The following GRM3 variants were observed in gnomAD, a reference collection of about 807,000 sequenced individuals.
GRM3 encodes metabotropic glutamate receptor 3.
A neutral mutation model predicts 70.5 loss-of-function variants in GRM3; 26 were observed. That is an observed-to-expected ratio of 0.37 (90% CI 0.27 to 0.51). The LOEUF (loss-of-function observed/expected upper bound fraction) is 0.51. Ranked by LOEUF, GRM3 falls within the 20% of genes least tolerant of loss-of-function variation. GRM3 has a pLI of 0.93. For missense variants in GRM3, 859 were observed against 1,123.8 expected (o/e 0.76, Z 3.37); for synonymous variants, 443 against 434.9 (o/e 1.02, Z -0.23).
intron 3 of GRM3, among the ~76,000 whole-genome samples, chr7:86,826,094 G>A (rs139169416): frequency 5.7e-4 from 87 of 152,260 alleles, no homozygotes; most frequent in Middle Eastern, 3.4e-3. Flanking sequence ...TAAAATCTTT[G>A]CTGTACTATA....
intron 1 of GRM3, among the ~76,000 whole-genome samples, chr7:86,646,006 T>TGGGGG (rs1383756914): frequency 9.4e-5 from 1 of 10,632 alleles, no homozygotes; most frequent in African/African-American, 3.6e-4. Context: ...GGTGGGGGGG[T>TGGGGG]GGGGGGGGGT....
chr7:86,698,520 T>TTATATATATATATATATATATATATA (rs570784350), intron 1 of GRM3, among the ~76,000 whole-genome samples: 4 of 142,150 alleles, frequency 2.8e-5, no homozygotes, highest in African/African-American at 1.1e-4. Context: ...TAAAAAGTAT[T>TTATATATATATATATATATATATATA]TATATATATA....
chr7:86,846,798 C>T (rs1227123183), intron 4 of GRM3, among the ~76,000 whole-genome samples: 1 of 152,196 alleles, frequency 6.6e-6, no homozygotes, highest in African/African-American at 2.4e-5. Context: ...TGTTAATCAG[C>T]CCCTGAAACG....
At chr7:86,795,470 G>A (rs183110885) in intron 3 of GRM3, among the ~76,000 whole-genome samples, 205 of 151,702 alleles carry the variant, frequency 1.4e-3, no homozygotes, top group East Asian at 7.6e-3. Flanking sequence ...CCTGCACCCC[G>A]ACAGGCCCCA....
chr7:86,655,298 T>A (rs1020155852), intron 1 of GRM3, among the ~76,000 whole-genome samples: 1 of 152,226 alleles, frequency 6.6e-6, no homozygotes, highest in African/African-American at 2.4e-5. Flanking sequence ...TAATGATTTT[T>A]TATCTGTTTT....
At chr7:86,832,840 T>TG (rs1798380902) in intron 3 of GRM3, among the ~76,000 whole-genome samples, 1 of 152,122 alleles carries the variant, frequency 6.6e-6, no homozygotes, top group East Asian at 1.9e-4. Flanking sequence ...AATTGGATAA[T>TG]AAGCTAACCC....
intron 1 of GRM3, among the ~76,000 whole-genome samples, chr7:86,699,026 A>T (rs1036041915): frequency 2.0e-5 from 3 of 152,070 alleles, no homozygotes; most frequent in Non-Finnish European, 4.4e-5. Flanking sequence ...GCCTCTGAAG[A>T]TCTTAAATCA....
chr7:86,841,094 A>G (rs1354509182), intron 4 of GRM3, among the ~76,000 whole-genome samples: 4 of 152,192 alleles, frequency 2.6e-5, no homozygotes, highest in Non-Finnish European at 5.9e-5. Flanking sequence ...CCATTCCACA[A>G]TGTATACATG....
At chr7:86,796,172 C>T (rs1292104629) in intron 3 of GRM3, among the ~76,000 whole-genome samples, 1 of 152,106 alleles carries the variant, frequency 6.6e-6, no homozygotes, top group African/African-American at 2.4e-5. Flanking sequence ...CCTAGTTTTT[C>T]TTATAGGGTT....
At chr7:86,646,004 GGT>G (rs1394711682) in intron 1 of GRM3, among the ~76,000 whole-genome samples, 14,171 of 59,988 alleles carry the variant, frequency 0.24, 2,616 homozygotes, top group East Asian at 0.72. Flanking sequence ...GGGGTGGGGG[GGT>G]GGGGGGGGGT....
At chr7:86,835,967 G>A (rs889023560) in intron 3 of GRM3, among the ~76,000 whole-genome samples, 2 of 152,086 alleles carry the variant, frequency 1.3e-5, no homozygotes, top group African/African-American at 4.8e-5. Flanking sequence ...AGCGAAAAAT[G>A]TGTGAACCAG....
intron 1 of GRM3, among the ~76,000 whole-genome samples, chr7:86,705,094 A>C (rs983210119): frequency 6.6e-6 from 1 of 151,974 alleles, no homozygotes; most frequent in African/African-American, 2.4e-5. Flanking sequence ...ACTTATGTAT[A>C]ATATAGATTA....
At chr7:86,848,740 T>C (rs1414572163) in intron 4 of GRM3, among the ~76,000 whole-genome samples, 1 of 152,148 alleles carries the variant, frequency 6.6e-6, no homozygotes, top group Non-Finnish European at 1.5e-5. Flanking sequence ...TGATAAATTC[T>C]CAGAACAAAG....
intron 2 of GRM3, among the ~76,000 whole-genome samples, chr7:86,771,493 G>A (rs1339320003): frequency 6.6e-6 from 1 of 151,942 alleles, no homozygotes; most frequent in Non-Finnish European, 1.5e-5. Context: ...ATTTTTATCA[G>A]AAAATAAGCA....
chr7:86,832,493 C>T (rs1423627069), intron 3 of GRM3, among the ~76,000 whole-genome samples: 3 of 151,950 alleles, frequency 2.0e-5, no homozygotes, highest in Non-Finnish European at 4.4e-5. Context: ...TCAGATGATC[C>T]GCCTGTCTCA....
intron 3 of GRM3, among the ~76,000 whole-genome samples, chr7:86,793,056 C>A (rs1210655225): frequency 8.1e-6 from 1 of 123,982 alleles, no homozygotes; most frequent in Non-Finnish European, 1.6e-5. Context: ...AGTGAAGAGA[C>A]AGACTACTGG....
intron 3 of GRM3, among the ~76,000 whole-genome samples, chr7:86,817,168 T>C (rs545854118): frequency 6.6e-6 from 1 of 151,848 alleles, no homozygotes; most frequent in Admixed American, 6.6e-5. Flanking sequence ...TTCTTCATTA[T>C]CCAATAATTA....
chr7:86,663,513 G>T (rs1291153807), intron 1 of GRM3, among the ~76,000 whole-genome samples: 1 of 152,050 alleles, frequency 6.6e-6, no homozygotes, highest in Non-Finnish European at 1.5e-5. Context: ...GTACTAATTT[G>T]TGTAGTTTTG....
chr7:86,653,554 G>A (rs942686812), intron 1 of GRM3, among the ~76,000 whole-genome samples: 2 of 152,080 alleles, frequency 1.3e-5, no homozygotes, highest in East Asian at 1.9e-4. Context: ...TATTATCTTC[G>A]TTGTAAAGGA....
Sources: allele counts gnomAD v4.1 joint callset (sites outside exome capture counted in the v4.1 genomes callset), GRCh38; gene constraint gnomAD v4.1.1; transcripts MANE v1.5; gene names NCBI Gene and HGNC (gene_info 2026-07-23, HGNC 2026-07-21).